The following UBE2E2 variants were observed in gnomAD, a reference collection of about 807,000 sequenced individuals.
UBE2E2 encodes the protein ubiquitin conjugating enzyme E2 E2.
In UBE2E2, 6 loss-of-function variants were observed where a neutral mutation model predicts 24.7. The ratio of observed to expected loss-of-function variants is 0.24; its 90% CI spans 0.13 to 0.48. The LOEUF is 0.48. Ranked by LOEUF, UBE2E2 falls within the 20% of genes least tolerant of loss-of-function variation. The pLI is 0.99. For synonymous variants in UBE2E2, 104 were observed against 83.6 expected (o/e 1.24, Z -1.33); for missense variants, 169 against 245.0 (o/e 0.69, Z 2.07).
At chr3:23,473,619 T>G (rs569562681) in intron 3 of UBE2E2, among the ~76,000 whole-genome samples, 1 of 152,108 alleles carries the variant, frequency 6.6e-6, no homozygotes, top group Non-Finnish European at 1.5e-5. Context: ...CGAAGTCCAC[T>G]GTGTCATTCT....
intron 3 of UBE2E2, among the ~76,000 whole-genome samples, chr3:23,307,369 T>TAATGCCTG (rs1699265662): frequency 6.6e-6 from 1 of 152,192 alleles, no homozygotes; most frequent in Non-Finnish European, 1.5e-5. Flanking sequence ...GTTACTTGAA[T>TAATGCCTG]CTCCTAAGGC....
At position 23,520,224 on chromosome 3, in the gene UBE2E2, G is replaced by A. The variant is rs116298632; in HGVS notation, c.361-12330G>A. Among the ~76,000 whole-genome samples the A allele has an allele frequency of 3.5e-3, 528 of 151,466 alleles. 2 individuals are homozygous for A. Among genetic ancestry groups the A allele is most frequent in the African/African-American group, 0.011 (474 of 41,264 alleles). On this transcript the variant is annotated intron_variant, in intron 4 of 5. Coordinates refer to ENST00000396703, the MANE Select transcript of UBE2E2 (RefSeq NM_152653.4). The stretch of plus-strand genomic sequence containing the variant: ...GCTTAGTATTGGAATTGACTTTACT[G>A]TGAGGATTTGAATTCCTCTCAACCT...
chr3:23,350,367 T>C (rs1161691433), intron 3 of UBE2E2, among the ~76,000 whole-genome samples: 3 of 152,038 alleles, frequency 2.0e-5, no homozygotes, highest in Non-Finnish European at 2.9e-5. Flanking sequence ...TCACCAGCAA[T>C]GGAACGAAGC....
chr3:23,333,690 TTAGTAA>T (rs1476934298), intron 3 of UBE2E2, among the ~76,000 whole-genome samples: 2 of 152,190 alleles, frequency 1.3e-5, no homozygotes, highest in Non-Finnish European at 1.5e-5. Flanking sequence ...TGTATTATTG[TTAGTAA>T]TAGTAGGAGC....
At chr3:23,466,735 T>C (rs969629540) in intron 3 of UBE2E2, among the ~76,000 whole-genome samples, 2 of 151,854 alleles carry the variant, frequency 1.3e-5, no homozygotes, top group African/African-American at 2.4e-5. Flanking sequence ...CCTCAGCTAA[T>C]TTTTTGTATT....
chr3:23,496,610 A>G (rs56034809), intron 3 of UBE2E2, among the ~76,000 whole-genome samples: 29,447 of 152,102 alleles, frequency 0.19, 2,849 homozygotes, highest in Middle Eastern at 0.23. Flanking sequence ...GTTAATCTGT[A>G]TATTGTCACT....
At chr3:23,249,160 A>G (rs558823035) in intron 3 of UBE2E2, among the ~76,000 whole-genome samples, 1 of 151,962 alleles carries the variant, frequency 6.6e-6, no homozygotes, top group African/African-American at 2.4e-5. Context: ...AGTCCCAGCT[A>G]CTTGGGAGGT....
chr3:23,493,510 A>G (rs1050099788), intron 3 of UBE2E2, among the ~76,000 whole-genome samples: 3 of 152,218 alleles, frequency 2.0e-5, no homozygotes, highest in Admixed American at 6.5e-5. Flanking sequence ...AAATTTAACT[A>G]TGAAAGCTTT....
chr3:23,260,948 C>A (rs1431633416), intron 3 of UBE2E2, among the ~76,000 whole-genome samples: 1 of 151,970 alleles, frequency 6.6e-6, no homozygotes, highest in East Asian at 1.9e-4. Context: ...TAAAAAAATA[C>A]AAAAATTACC....
At chr3:23,432,669 C>T (rs148790516) in intron 3 of UBE2E2, among the ~76,000 whole-genome samples, 2 of 151,948 alleles carry the variant, frequency 1.3e-5, no homozygotes, top group East Asian at 3.9e-4. Context: ...GTGGTTTTCT[C>T]AATTTTGGGC....
intron 3 of UBE2E2, among the ~76,000 whole-genome samples, chr3:23,241,350 A>G (rs187215585): frequency 2.6e-5 from 4 of 152,254 alleles, no homozygotes; most frequent in Admixed American, 2.0e-4. Context: ...TTCCTTCTAT[A>G]TAGTCTATTC....
At chr3:23,259,389 A>G (rs1697835234) in intron 3 of UBE2E2, among the ~76,000 whole-genome samples, 1 of 152,154 alleles carries the variant, frequency 6.6e-6, no homozygotes, top group African/African-American at 2.4e-5. Flanking sequence ...ATATTTAGTG[A>G]AAGCACTCCA....
At chr3:23,322,976 C>A (rs1376965587) in intron 3 of UBE2E2, among the ~76,000 whole-genome samples, 1 of 151,668 alleles carries the variant, frequency 6.6e-6, no homozygotes, top group Non-Finnish European at 1.5e-5. Context: ...ATACGTGGTT[C>A]AGTAAAACAT....
chr3:23,536,918 T>G (rs1695279017), intron 5 of UBE2E2, among the ~76,000 whole-genome samples: 1 of 152,246 alleles, frequency 6.6e-6, no homozygotes, highest in Non-Finnish European at 1.5e-5. Flanking sequence ...ATGTCATCAG[T>G]AGGTTCTTAG....
chr3:23,237,662 A>G (rs1272804183), intron 3 of UBE2E2, among the ~76,000 whole-genome samples: 1 of 152,124 alleles, frequency 6.6e-6, no homozygotes. Flanking sequence ...TTAAAATGAA[A>G]TCTTTAATTT....
chr3:23,204,651 C>T, intron 1 of UBE2E2: 1 of 974,412 alleles, frequency 1.0e-6, no homozygotes, highest in Non-Finnish European at 1.2e-6. Flanking sequence ...AGAGTGTTTT[C>T]ATATAATGCC....
intron 3 of UBE2E2, among the ~76,000 whole-genome samples, chr3:23,302,389 A>T (rs1400681701): frequency 1.3e-5 from 2 of 152,118 alleles, no homozygotes; most frequent in African/African-American, 2.4e-5. Flanking sequence ...TTTTGACTTT[A>T]TTTATTGCAA....
chr3:23,564,916 G>A (rs1024230832), intron 5 of UBE2E2, among the ~76,000 whole-genome samples: 2 of 152,136 alleles, frequency 1.3e-5, no homozygotes, highest in Non-Finnish European at 2.9e-5. Context: ...TACATGAGAA[G>A]TAATAATCAA....
At chr3:23,411,555 G>A (rs185838864) in intron 3 of UBE2E2, among the ~76,000 whole-genome samples, 1 of 152,070 alleles carries the variant, frequency 6.6e-6, no homozygotes, top group Non-Finnish European at 1.5e-5. Flanking sequence ...AGGTTTTGGG[G>A]GTTGAGGTCA....
Sources: gnomAD v4.1 joint callset for allele counts (sites outside exome capture counted in the v4.1 genomes callset) on GRCh38, gnomAD v4.1.1 for gene constraint, MANE v1.5 for transcripts, NCBI Gene and HGNC (gene_info 2026-07-23, HGNC 2026-07-21) for gene names.